Variants in CHD6 observed in about 807,000 individuals in gnomAD.
CHD6 encodes the protein ATP-dependent chromatin remodeler CHD6.
CHD6 carries 50 observed loss-of-function variants against 276.9 expected under a neutral mutation model. The ratio of observed to expected loss-of-function variants is 0.18; its 90% CI spans 0.14 to 0.23. The LOEUF is 0.23. Ranked by LOEUF, CHD6 falls within the 10% of genes least tolerant of loss-of-function variation. The pLI, the probability that CHD6 is intolerant of heterozygous loss-of-function variation, is 1.00. For missense variants in CHD6, 2,564 were observed against 3,365.8 expected, an observed-to-expected ratio of 0.76 and a Z score of 5.89; for synonymous variants, 1,173 against 1,229.3, an observed-to-expected ratio of 0.95 and a Z score of 0.96.
chr20:41,500,965 T>C (rs749757093), intron 5 of CHD6, among the ~76,000 whole-genome samples: 1 of 152,100 alleles, frequency 6.6e-6, no homozygotes, highest in East Asian at 1.9e-4. Flanking sequence ...TTACATACTG[T>C]CAGGACGGTA....
chr20:41,577,385 G>A (rs1335833006), intron 1 of CHD6, among the ~76,000 whole-genome samples: 2 of 152,026 alleles, frequency 1.3e-5, no homozygotes, highest in African/African-American at 2.4e-5. Context: ...AGGTCAGAGT[G>A]GTATCCTGTG....
chr20:41,616,743 T>C (rs1232407347), intron 1 of CHD6, among the ~76,000 whole-genome samples: 1 of 152,198 alleles, frequency 6.6e-6, no homozygotes, highest in African/African-American at 2.4e-5. Context: ...ACTTGAGGAT[T>C]CATGCCTAAT....
chr20:41,527,462 G>C (rs955365303), intron 3 of CHD6, among the ~76,000 whole-genome samples: 1 of 151,894 alleles, frequency 6.6e-6, no homozygotes, highest in African/African-American at 2.4e-5. Flanking sequence ...CAAAATGCTT[G>C]GCTCCCTATG....
chr20:41,561,290 C>T (rs1214645990), intron 1 of CHD6, among the ~76,000 whole-genome samples: 2 of 152,194 alleles, frequency 1.3e-5, no homozygotes, highest in African/African-American at 4.8e-5. Flanking sequence ...ACAGCTAAGC[C>T]ATGAACTATA....
At chr20:41,434,135 G>C (rs138086038) in intron 27 of CHD6, among the ~76,000 whole-genome samples, 1 of 151,962 alleles carries the variant, frequency 6.6e-6, no homozygotes, top group African/African-American at 2.4e-5. Flanking sequence ...CCGGCAGAGC[G>C]TATTAAAGAT....
At chr20:41,407,448 G>A (rs931821982) in intron 36 of CHD6, among the ~76,000 whole-genome samples, 7 of 152,198 alleles carry the variant, frequency 4.6e-5, no homozygotes, top group African/African-American at 1.7e-4. Context: ...GGATATCTCT[G>A]GGCTGAGACT....
At chr20:41,613,187 T>C (rs115434694) in intron 1 of CHD6, among the ~76,000 whole-genome samples, 1,558 of 152,316 alleles carry the variant, frequency 0.01, 22 homozygotes, top group African/African-American at 0.033. Flanking sequence ...CTAATGGAAG[T>C]TGCAAAGCAT....
At chr20:41,562,605 A>C (rs2045313444) in intron 1 of CHD6, among the ~76,000 whole-genome samples, 4 of 152,162 alleles carry the variant, frequency 2.6e-5, no homozygotes, top group African/African-American at 4.8e-5. Flanking sequence ...TTTGTGTATA[A>C]GTCAGGCAAA....
intron 1 of CHD6, among the ~76,000 whole-genome samples, chr20:41,607,543 G>T (rs903333868): frequency 2.0e-5 from 3 of 152,108 alleles, no homozygotes; most frequent in African/African-American, 7.2e-5. Context: ...AAAAGACAAA[G>T]GCAATTCAAT....
chr20:41,463,709 G>A (rs919259668), intron 17 of CHD6, among the ~76,000 whole-genome samples: 45 of 152,138 alleles, frequency 3.0e-4, no homozygotes, highest in African/African-American at 1.0e-3. Flanking sequence ...AAGACTAAAG[G>A]GACATGACAG....
chr20:41,533,301 T>C lies in CHD6; in HGVS notation c.303A>G (p.Pro101=). Residue 101 remains proline, a synonymous_variant, in exon 3 of 37, where the codon CCA becomes CCG. Transcript: ENST00000373233. ...GVKKKRKKKE[P]GDQEGAAKGS... ...CCTTTGCTGCACCCTCTTGGTCTCCTGGCTCCTTTTTCTTCCGTTTCTTCT... is the reference window on the plus strand; with the variant it reads ...CCTTTGCTGCACCCTCTTGGTCTCCCGGCTCCTTTTTCTTCCGTTTCTTCT... 5 of 1,614,152 alleles carry C rather than the reference T, an allele frequency of 3.1e-6. No individual in the cohort carries two copies. Among genetic ancestry groups the C allele is most frequent in the Non-Finnish European group, 4.2e-6 (5 of 1,180,030 alleles).
chr20:41,511,403 C>T (rs1436867664), intron 5 of CHD6, among the ~76,000 whole-genome samples: 1 of 152,182 alleles, frequency 6.6e-6, no homozygotes, highest in Non-Finnish European at 1.5e-5. Context: ...TCTATAAGCT[C>T]CTTGGCACAG....
rs574343640 is a variant in CHD6, at chr20:41,592,776, G to A, written c.-24+25564C>T. On this transcript the variant is annotated intron_variant, in intron 1 of 36. Transcript: ENST00000373233. The stretch of plus-strand genomic sequence containing the variant: ...ATGCAACATGAGAACACCCGGGGAT[G>A]CCATGACTTCCCAAGATTCCCTGTT... Among the ~76,000 whole-genome samples the A allele has an allele frequency of 1.1e-4, 16 of 152,272 alleles. No homozygotes were observed. The South Asian group carries it at 2.9e-3, about 28-fold the overall frequency.
chr20:41,566,888 C>T (rs1157877941), intron 1 of CHD6, among the ~76,000 whole-genome samples: 2 of 152,174 alleles, frequency 1.3e-5, no homozygotes, highest in Non-Finnish European at 2.9e-5. Flanking sequence ...GAATCTCACA[C>T]AAATGGGGTG....
chr20:41,478,467 A>G (rs1600963333), intron 16 of CHD6, among the ~76,000 whole-genome samples: 2 of 152,226 alleles, frequency 1.3e-5, no homozygotes, highest in East Asian at 3.8e-4. Context: ...AGGGGAGGCC[A>G]CAATTATGGT....
At chr20:41,605,159 G>C (rs1040609799) in intron 1 of CHD6, among the ~76,000 whole-genome samples, 4 of 152,042 alleles carry the variant, frequency 2.6e-5, no homozygotes, top group Non-Finnish European at 5.9e-5. Flanking sequence ...TATATAGAGA[G>C]ACAGAAAGTT....
At chr20:41,507,903 G>A (rs1379329239) in intron 5 of CHD6, among the ~76,000 whole-genome samples, 11 of 152,048 alleles carry the variant, frequency 7.2e-5, no homozygotes, top group African/African-American at 2.7e-4. Context: ...AACAAATCAT[G>A]TTTCAAACCA....
Position 41,473,338 on chromosome 20 carries a change from G to A in CHD6, c.2648C>T (p.Pro883Leu), listed in dbSNP as rs1307090388. 1 of 1,613,938 alleles carries A rather than the reference G, an allele frequency of 6.2e-7. No individual in the cohort carries two copies. Residue 883 changes from proline (P) to leucine (L), a missense_variant, in exon 17 of 37, where the codon CCA becomes CTA. Pro to Leu is a moderately conservative substitution (Grantham distance 98, BLOSUM62 -3). This residue lies in a region of CHD6 where 457 missense variants were observed against 889.0 expected (regional missense o/e 0.51). Coordinates refer to ENST00000373233, the MANE Select transcript of CHD6 (RefSeq NM_032221.5). This position sits in a 1 kb window ranked among gnomAD's most constrained non-coding sequence, Gnocchi z 4.1. ...AGTGGTTACCTGCAAGTCATTTTGTGGGTTCCAGTCAGAATCAAATATGAT... is the reference window on the plus strand; with the variant it reads ...AGTGGTTACCTGCAAGTCATTTTGTAGGTTCCAGTCAGAATCAAATATGAT... ...TCIIFDSDWN[P>L]QNDLQAQARC...
At chr20:41,503,380 AG>A (rs2145918613) in intron 5 of CHD6, among the ~76,000 whole-genome samples, 1 of 152,314 alleles carries the variant, frequency 6.6e-6, no homozygotes, top group Admixed American at 6.5e-5. Flanking sequence ...CTAATAAAAA[AG>A]TTTTACTACT....
Sources: gnomAD v4.1 joint callset for allele counts (sites outside exome capture counted in the v4.1 genomes callset) on GRCh38, gnomAD v4.1.1 for gene constraint, gnomAD v4.1.1 regional missense constraint, Gnocchi (gnomAD v3.1) non-coding constraint, MANE v1.5 for transcripts, NCBI Gene and HGNC (gene_info 2026-07-23, HGNC 2026-07-21) for gene names.